The following ITGA6 variants were observed in gnomAD, a reference collection of about 807,000 sequenced individuals.
ITGA6 encodes the protein integrin subunit alpha 6, also known as integrin alpha-6.
ITGA6 carries 63 observed loss-of-function variants against 133.6 expected under a neutral mutation model. That is an observed-to-expected ratio of 0.47 (90% CI 0.38 to 0.58). The LOEUF is 0.58. ITGA6 is among the 20% of genes least tolerant of loss of function. The pLI, the probability that ITGA6 is intolerant of heterozygous loss-of-function variation, is 0.00. For missense variants in ITGA6, 1,068 were observed against 1,309.4 expected, an observed-to-expected ratio of 0.82 and a Z score of 2.85; for synonymous variants, 434 against 482.0, an observed-to-expected ratio of 0.90 and a Z score of 1.30.
At chr2:172,450,536 T>C (rs1305873957) in intron 1 of ITGA6, among the ~76,000 whole-genome samples, 6 of 152,058 alleles carry the variant, frequency 3.9e-5, no homozygotes, top group Admixed American at 1.3e-4. Context: ...CAGAGTAAAA[T>C]GTGGAGGTAG....
At chr2:172,434,093 G>A (rs181844278) in intron 1 of ITGA6, among the ~76,000 whole-genome samples, 4 of 152,258 alleles carry the variant, frequency 2.6e-5, no homozygotes, top group Non-Finnish European at 1.5e-5. Flanking sequence ...GTTTGAAAAC[G>A]ATTTATTTTT....
rs1417632059 is a variant in ITGA6 at position 172,469,105 on chromosome 2, T to C, written c.388-20T>C. Reference sequence around the variant, plus strand: ...AGGTTTATAGACAAGAATGGGCTACTTTCTTCCATCTGCTTGCAGACATGT... The same window carrying C: ...AGGTTTATAGACAAGAATGGGCTACCTTCTTCCATCTGCTTGCAGACATGT... On this transcript the variant is annotated intron_variant, in intron 3 of 25. Coordinates refer to ENST00000684293, the MANE Select transcript of ITGA6 (RefSeq NM_000210.4). The C allele has an allele frequency of 1.9e-6, 3 of 1,614,018 alleles. No homozygotes were observed. In the South Asian group the frequency reaches 3.3e-5, roughly 18 times the overall value.
chr2:172,432,776 G>C (rs558455068), intron 1 of ITGA6, among the ~76,000 whole-genome samples: 2 of 152,324 alleles, frequency 1.3e-5, no homozygotes, highest in East Asian at 1.9e-4. Context: ...CACTGCAGTG[G>C]GTACTCGGGA....
chr2:172,440,067 T>C (rs553866969), intron 1 of ITGA6, among the ~76,000 whole-genome samples: 2 of 152,316 alleles, frequency 1.3e-5, no homozygotes, highest in East Asian at 3.9e-4. Flanking sequence ...AGGTCAACAT[T>C]GGTCAGCCTT....
chr2:172,491,126 AG>A lies in ITGA6; in HGVS notation c.2778+5del. 6.8e-7 allele frequency: 1 copy of A among 1,479,642 alleles called. No individual in the cohort carries two copies. Among genetic ancestry groups the A allele is most frequent in the South Asian group, 1.1e-5 (1 of 88,256 alleles). 91.7% of individuals were successfully genotyped at this position (1,479,642 alleles called of 1,614,324 possible). A position where few individuals can be genotyped will look rare whatever the true frequency, so the allele number is the denominator to read the frequency against. On this transcript the variant is annotated splice_donor_5th_base_variant and intron_variant, in intron 21 of 25. Coordinates refer to ENST00000684293, the MANE Select transcript of ITGA6 (RefSeq NM_000210.4). The surrounding 1 kb of genome is among the most constrained non-coding windows in gnomAD (Gnocchi z 4.4). ...TGAAAGAAAATACCAGACTCTTGTAAGTATTTTTCAAGAGCTGTGAATATTT... is the reference window on the plus strand; with the variant it reads ...TGAAAGAAAATACCAGACTCTTGTAATATTTTTCAAGAGCTGTGAATATTT...
At chr2:172,497,341 T>A (rs753996373) in intron 23 of ITGA6, among the ~76,000 whole-genome samples, 5 of 151,810 alleles carry the variant, frequency 3.3e-5, no homozygotes, top group African/African-American at 2.4e-5. Flanking sequence ...AAAAAATTTT[T>A]AAAAAAATTA....
rs1686724596 is a variant in ITGA6 at position 172,487,260 on chromosome 2, A to G, written c.1971-4A>G. The G allele has an allele frequency of 1.2e-6, 2 of 1,610,674 alleles. No homozygotes were observed. The highest frequency in any genetic ancestry group is 1.3e-5 in the African/African-American group (1 of 74,952). On this transcript the variant is annotated splice_polypyrimidine_tract_variant and splice_region_variant and intron_variant, in intron 14 of 25. Coordinates refer to ENST00000684293, the MANE Select transcript of ITGA6 (RefSeq NM_000210.4). Reference sequence around the variant, plus strand: ...TTTTGTTCTTGTTTTCTTATTTTTAATAGTCAAAAAGGTGTACCAGAACTA... The same window carrying G: ...TTTTGTTCTTGTTTTCTTATTTTTAGTAGTCAAAAAGGTGTACCAGAACTA...
chr2:172,476,987 T>C (rs1176936947), intron 9 of ITGA6, among the ~76,000 whole-genome samples: 1 of 152,226 alleles, frequency 6.6e-6, no homozygotes, highest in Admixed American at 6.5e-5. Context: ...TTTTCCTATG[T>C]CACTGAGTAC....
intron 1 of ITGA6, among the ~76,000 whole-genome samples, chr2:172,453,287 G>A (rs1685082614): frequency 6.6e-6 from 1 of 152,040 alleles, no homozygotes. Flanking sequence ...AGCACTTCCG[G>A]AGGCCGAGGC....
chr2:172,451,505 G>C (rs1354679065), intron 1 of ITGA6, among the ~76,000 whole-genome samples: 4 of 152,166 alleles, frequency 2.6e-5, no homozygotes, highest in Admixed American at 6.5e-5. Context: ...AGCCTGGCTG[G>C]GGGAGAAGCT....
At chr2:172,429,889 A>G (rs1684038064) in intron 1 of ITGA6, among the ~76,000 whole-genome samples, 1 of 152,230 alleles carries the variant, frequency 6.6e-6, no homozygotes, top group Non-Finnish European at 1.5e-5. Context: ...CTTCAGGAAT[A>G]GCATTGGTCT....
intron 23 of ITGA6, 115 bp from the exon 24 acceptor site, chr2:172,497,860 C>G: frequency 1.0e-6 from 1 of 995,602 alleles, no homozygotes. Flanking sequence ...TCATCTCATC[C>G]ATTCACAGGC....
intron 1 of ITGA6, among the ~76,000 whole-genome samples, chr2:172,451,769 A>G (rs972856071): frequency 6.6e-6 from 1 of 152,126 alleles, no homozygotes; most frequent in Non-Finnish European, 1.5e-5. Flanking sequence ...ACTGACTTGT[A>G]CATCCATCTA....
Position 172,453,168 on chromosome 2 carries a change from CTT to C in ITGA6, c.183-12367_183-12366del, listed in dbSNP as rs560236658. Among the ~76,000 whole-genome samples, 134 of 152,216 alleles carry C rather than the reference CTT, an allele frequency of 8.8e-4. No individual in the cohort carries two copies. The Middle Eastern group carries it at 0.01, about 12-fold the overall frequency. The stretch of plus-strand genomic sequence containing the variant: ...TTTACTCAGAGATTTGCAGACAAAA[CTT>C]TTTGTTTAAAACAATGCTATGTTAA... On this transcript the variant is annotated intron_variant, in intron 1 of 25. Transcript: ENST00000684293.
chr2:172,454,772 A>C (rs1685146941), intron 1 of ITGA6, among the ~76,000 whole-genome samples: 2 of 152,180 alleles, frequency 1.3e-5, no homozygotes, highest in Non-Finnish European at 2.9e-5. Context: ...AGTATCCTGG[A>C]TTATCCAAAT....
chr2:172,429,940 G>A (rs1321398358), intron 1 of ITGA6, among the ~76,000 whole-genome samples: 2 of 152,214 alleles, frequency 1.3e-5, no homozygotes, highest in Admixed American at 1.3e-4. Flanking sequence ...GCACAGGTCA[G>A]TTGTCAACCT....
rs2148985273 is a variant in ITGA6 at position 172,427,772 on chromosome 2, T to C, written c.-17T>C. 1 of 1,575,326 alleles carries C rather than the reference T, an allele frequency of 6.3e-7. No individual in the cohort carries two copies. The highest frequency in any genetic ancestry group is 2.4e-5 in the East Asian group (1 of 41,354). On this transcript the variant is annotated 5_prime_UTR_variant, in exon 1 of 26. Transcript: ENST00000684293. ...CGGCCGCTGCAGGTCCCCGCTCCCCTCCCCGTGCGTCCGCCCATGGCCGCC... is the reference window on the plus strand; with the variant it reads ...CGGCCGCTGCAGGTCCCCGCTCCCCCCCCCGTGCGTCCGCCCATGGCCGCC...
At chr2:172,448,396 AC>A (rs1684853046) in intron 1 of ITGA6, among the ~76,000 whole-genome samples, 1 of 152,162 alleles carries the variant, frequency 6.6e-6, no homozygotes, top group Non-Finnish European at 1.5e-5. Context: ...CTGGTTTGTC[AC>A]TTACCAGCTG....
At position 172,491,631 on chromosome 2, in the gene ITGA6, C is replaced by T. The variant is rs972532850; in HGVS notation, c.2988+108C>T. 1 of 754,520 alleles carries T rather than the reference C, an allele frequency of 1.3e-6. No homozygotes were observed. The highest frequency in any genetic ancestry group is 1.7e-5 in the African/African-American group (1 of 58,130). The allele number at this position is 754,520 out of a possible 1,614,324, so 46.7% of individuals were successfully genotyped here. A position where few individuals can be genotyped will look rare whatever the true frequency, so the allele number is the denominator to read the frequency against. ...TTTGGTGCTCATTTCCCTCATAGCCCCATTACGGAGAAAACTGTCTTAAGG... is the reference window on the plus strand; with the variant it reads ...TTTGGTGCTCATTTCCCTCATAGCCTCATTACGGAGAAAACTGTCTTAAGG... On this transcript the variant is annotated intron_variant, in intron 23 of 25. Transcript: ENST00000684293. This position sits in a 1 kb window ranked among gnomAD's most constrained non-coding sequence, Gnocchi z 4.4.
Sources: gnomAD v4.1 joint callset for allele counts (sites outside exome capture counted in the v4.1 genomes callset) on GRCh38, gnomAD v4.1.1 for gene constraint, Gnocchi (gnomAD v3.1) non-coding constraint, MANE v1.5 for transcripts, NCBI Gene and HGNC (gene_info 2026-07-23, HGNC 2026-07-21) for gene names.